The following PRXL2B variants were observed in gnomAD, a reference collection of about 807,000 sequenced individuals.
PRXL2B encodes the protein peroxiredoxin like 2B.
PRXL2B carries 26 observed loss-of-function variants against 24.4 expected under a neutral mutation model. The observed-to-expected ratio is 1.07, with a 90% CI of 0.78 to 1.48. The LOEUF is 1.48. PRXL2B is among the 40% of genes most tolerant of loss of function. The pLI, the probability that PRXL2B is intolerant of heterozygous loss-of-function variation, is 0.00. For missense variants in PRXL2B, 269 were observed against 264.8 expected (o/e 1.02, Z -0.11); for synonymous variants, 115 against 118.9 (o/e 0.97, Z 0.21).
rs761459834 is a variant in PRXL2B, at chr1:2,587,243, G to C, written c.216G>C (p.Gly72=). The change falls in exon 2 of 7, where the codon GGG becomes GGC. Residue 72 remains glycine, a synonymous_variant. Transcript: ENST00000419916. The surrounding 1 kb of genome is among the most constrained non-coding windows in gnomAD (Gnocchi z 6.1). ...ACGGCGTGCGCCTGGTGGGCGTAGG[G>C]CCCGAGGCCCTGGGTCTGCAGGAGT... is the stretch of plus-strand genomic sequence containing the variant. ...DQHGVRLVGV[G]PEALGLQEFL... 1 of 1,577,698 alleles carries C rather than the reference G, an allele frequency of 6.3e-7. No homozygotes were observed. The highest frequency in any genetic ancestry group is 8.6e-7 in the Non-Finnish European group (1 of 1,168,080).
rs922527390 is a variant in PRXL2B at position 2,588,734 on chromosome 1, G to A, written c.460+109G>A. On this transcript the variant is annotated intron_variant, in intron 5 of 6. Transcript: ENST00000419916. ...TTGTCAGTCTCATCACAGCCCCTCC[G>A]CCGCAATGTGGCCTGGTTCTGCGTG... 4.0e-5 allele frequency: 52 copies of A among 1,311,382 alleles called. 1 individual carries two copies. Among genetic ancestry groups the A allele is most frequent in the Admixed American group, 1.1e-4 (6 of 55,738 alleles). The allele number at this position is 1,311,382 out of a possible 1,614,324, so 81.2% of individuals were successfully genotyped here.
At position 2,587,773 on chromosome 1, in the gene PRXL2B, A is replaced by T. The variant is rs1172520727; in HGVS notation, c.301A>T (p.Lys101Ter). The change falls in exon 3 of 7, where the codon AAG (lysine) becomes TAG (stop). Residue 101 changes from lysine (K) to a stop codon, truncating the protein, a stop_gained. Transcript: ENST00000419916. LOFTEE classifies it high-confidence loss of function. The surrounding 1 kb of genome is among the most constrained non-coding windows in gnomAD (Gnocchi z 6.1). ...CCTGGATGAGAGCAAGCAGCTTTAC[A>T]AGGAGCTAGGCTTCAAGCGGTGAGT... ...LYLDESKQLY[K>*]ELGFKRYNSL... 6.9e-6 allele frequency: 11 copies of T among 1,602,862 alleles called. No individual in the cohort carries two copies. The South Asian group carries it at 1.1e-4, about 16-fold the overall frequency.
Position 2,591,354 on chromosome 1 carries a change from T to TC in PRXL2B, c.*1932dup, listed in dbSNP as rs1644699612. ...GAAACATTCGCAGCCTGCGGTAGGC[T>TC]CCCCCTTCCTAAACCCTTAAATGCC... On this transcript the variant is annotated 3_prime_UTR_variant, in exon 7 of 7. Coordinates refer to ENST00000419916, the MANE Select transcript of PRXL2B (RefSeq NM_152371.5). The TC allele has an allele frequency of 1.7e-6, 1 of 601,858 alleles. No homozygotes were observed. The highest frequency in any genetic ancestry group is 2.0e-5 in the South Asian group (1 of 49,914). The allele number at this position is 601,858 out of a possible 1,614,324, so 37.3% of individuals were successfully genotyped here. A position where few individuals can be genotyped will look rare whatever the true frequency, so the allele number is the denominator to read the frequency against.
chr1:2,588,713 C>A, intron 5 of PRXL2B, 88 bp downstream of exon 5: 1 of 1,441,500 alleles, frequency 6.9e-7, no homozygotes, highest in Non-Finnish European at 9.6e-7. Context: ...TCTGGCTTGT[C>A]AGTCTCATCA....
rs2100901580 is a variant in PRXL2B at position 2,587,834 on chromosome 1, G to A, written c.320+42G>A. On this transcript the variant is annotated intron_variant, in intron 3 of 6. Transcript: ENST00000419916. The surrounding 1 kb of genome is among the most constrained non-coding windows in gnomAD (Gnocchi z 6.1). ...ACCCTTGGGTAGCGTGGGGTGGGGG[G>A]CCCAGGGGTTCCCACCGCTCCCTGC... 2 of 1,529,108 alleles carry A rather than the reference G, an allele frequency of 1.3e-6. No individual in the cohort carries two copies. The highest frequency in any genetic ancestry group is 1.9e-5 in the Admixed American group (1 of 53,194). 94.7% of individuals were successfully genotyped at this position (1,529,108 alleles called of 1,614,324 possible).
rs1570628284 is a variant in PRXL2B at position 2,589,482 on chromosome 1, G to GTGCT, written c.*56_*59dup. Reference sequence around the variant, plus strand: ...CTGGGTGGCGTCTGCTGCCCTAGGTGTGCTGGAAGTCCACTTGGAAGAACT... The same window carrying GTGCT: ...CTGGGTGGCGTCTGCTGCCCTAGGTGTGCTTGCTGGAAGTCCACTTGGAAGAACT... On this transcript the variant is annotated 3_prime_UTR_variant, in exon 7 of 7. Transcript: ENST00000419916. 1.2e-6 allele frequency: 2 copies of GTGCT among 1,613,124 alleles called. No individual in the cohort carries two copies. The highest frequency in any genetic ancestry group is 1.7e-4 in the Middle Eastern group (1 of 6,054).
At chr1:2,586,709 C>A (rs1283039843), upstream of PRXL2B, 26 of 1,217,582 alleles carry the variant, frequency 2.1e-5, no homozygotes, top group South Asian at 5.9e-4. Flanking sequence ...GGGCCCGGGG[C>A]GGAGACGAGC....
Position 2,589,532 on chromosome 1 carries a change from G to A in PRXL2B, c.*105G>A. ...TGTTCCGGAGGCGCTGGGTCGGGAT[G>A]CCGAACCTCTCCTGATCCGCCGGCA... is the stretch of plus-strand genomic sequence containing the variant. On this transcript the variant is annotated 3_prime_UTR_variant, in exon 7 of 7. Transcript: ENST00000419916. 6.6e-7 allele frequency: 1 copy of A among 1,525,790 alleles called. No individual in the cohort carries two copies. The highest frequency in any genetic ancestry group is 9.0e-7 in the Non-Finnish European group (1 of 1,111,618). The allele number at this position is 1,525,790 out of a possible 1,614,324, so 94.5% of individuals were successfully genotyped here.
rs1644554832 is a variant in PRXL2B, at chr1:2,587,518, GC to G, written c.269-219del. On this transcript the variant is annotated intron_variant, in intron 2 of 6. Transcript: ENST00000419916. The surrounding 1 kb of genome is among the most constrained non-coding windows in gnomAD (Gnocchi z 6.1). ...CAGCAGCAGAGTCTGGACGAGCTCT[GC>G]CCCGCCGGCTCCACCTGTTGCCTCT... Among the ~76,000 whole-genome samples, 1 of 152,120 alleles carries G rather than the reference GC, an allele frequency of 6.6e-6. No individual in the cohort carries two copies. Among genetic ancestry groups the G allele is most frequent in the Admixed American group, 6.5e-5 (1 of 15,286 alleles).
Position 2,589,390 on chromosome 1 carries a change from G to A in PRXL2B, c.580-20G>A. 1.2e-6 allele frequency: 2 copies of A among 1,612,860 alleles called. No individual in the cohort carries two copies. The highest frequency in any genetic ancestry group is 1.7e-6 in the Non-Finnish European group (2 of 1,179,452). On this transcript the variant is annotated intron_variant, in intron 6 of 6. Coordinates refer to ENST00000419916, the MANE Select transcript of PRXL2B (RefSeq NM_152371.5). ...TGATCCAGTGTCCAGCGGCCCCATG[G>A]GACCCTGCTGTCCCCACAGTGTGAC...
At position 2,587,011 on chromosome 1, in the gene PRXL2B, A is replaced by T. The variant is rs1370597005; in HGVS notation, c.63+63A>T. The stretch of plus-strand genomic sequence containing the variant: ...TGGCTCCTTGCCCGGGCGTCCTGGC[A>T]GCGATGGGGTGGTGGGGGCCGCGGG... On this transcript the variant is annotated intron_variant, in intron 1 of 6. Coordinates refer to ENST00000419916, the MANE Select transcript of PRXL2B (RefSeq NM_152371.5). The surrounding 1 kb of genome is among the most constrained non-coding windows in gnomAD (Gnocchi z 6.1). 9.2e-7 allele frequency: 1 copy of T among 1,091,948 alleles called. No individual in the cohort carries two copies. Among genetic ancestry groups the T allele is most frequent in the Non-Finnish European group, 1.1e-6 (1 of 894,378 alleles). The allele number at this position is 1,091,948 out of a possible 1,614,324, so 67.6% of individuals were successfully genotyped here. A position where few individuals can be genotyped will look rare whatever the true frequency, so the allele number is the denominator to read the frequency against.
rs974474972 is a variant in PRXL2B at position 2,591,314 on chromosome 1, ACT to A, written c.*1891_*1892del. 4 of 593,266 alleles carry A rather than the reference ACT, an allele frequency of 6.7e-6. No individual in the cohort carries two copies. The highest frequency in any genetic ancestry group is 2.8e-5 in the East Asian group (1 of 35,630). The allele number at this position is 593,266 out of a possible 1,614,324, so 36.8% of individuals were successfully genotyped here. ...AGAGATATTCCAACTCTGCAATAAA[ACT>A]CTCCTTCACACAGAAACATTCGCAG... On this transcript the variant is annotated 3_prime_UTR_variant, in exon 7 of 7. Coordinates refer to ENST00000419916, the MANE Select transcript of PRXL2B (RefSeq NM_152371.5).
In PRXL2B at chr1:2,587,412, C is replaced by A; in HGVS notation, c.268+117C>A. ...TCTGCTGGAGCGGCCTTGATATGCC[C>A]ACGGGTCAGCGTCCCTCATCTCTCC... On this transcript the variant is annotated intron_variant, in intron 2 of 6. Transcript: ENST00000419916. The surrounding 1 kb of genome is among the most constrained non-coding windows in gnomAD (Gnocchi z 6.1). 1 of 1,198,786 alleles carries A rather than the reference C, an allele frequency of 8.3e-7. No homozygotes were observed. Among genetic ancestry groups the A allele is most frequent in the African/African-American group, 1.5e-5 (1 of 65,602 alleles). 74.3% of individuals were successfully genotyped at this position (1,198,786 alleles called of 1,614,324 possible). A position where few individuals can be genotyped will look rare whatever the true frequency, so the allele number is the denominator to read the frequency against.
In PRXL2B at chr1:2,591,442, C is replaced by T; in HGVS notation, c.*2015C>T. On this transcript the variant is annotated 3_prime_UTR_variant, in exon 7 of 7. Transcript: ENST00000419916. The stretch of plus-strand genomic sequence containing the variant: ...CAGAAGCCCCTCTCAGGTTTATTCC[C>T]AAAATAAACCTGTCTCTGTTGAGCC... 1.2e-6 allele frequency: 1 copy of T among 863,212 alleles called. No individual in the cohort carries two copies. Among genetic ancestry groups the T allele is most frequent in the Non-Finnish European group, 1.9e-6 (1 of 517,160 alleles). 53.5% of individuals were successfully genotyped at this position (863,212 alleles called of 1,614,324 possible).
rs1644527552 is a variant in PRXL2B at position 2,586,829 on chromosome 1, CCGGGAGCGGGGAACAGGGAGT to C, written c.-52_-32del. On this transcript the variant is annotated 5_prime_UTR_variant, in exon 1 of 7. Transcript: ENST00000419916. ...GGAGCGGGGATCCAGGAGCGAGGAG[CCGGGAGCGGGGAACAGGGAGT>C]CGGGGAGCCGGGAACCAGGGCTGGC... is the stretch of plus-strand genomic sequence containing the variant. The C allele has an allele frequency of 1.6e-6, 2 of 1,273,060 alleles. No individual in the cohort carries two copies. The highest frequency in any genetic ancestry group is 9.9e-7 in the Non-Finnish European group (1 of 1,010,492). 78.9% of individuals were successfully genotyped at this position (1,273,060 alleles called of 1,614,324 possible).
In PRXL2B at chr1:2,591,072, T is replaced by C; in HGVS notation, c.*1645T>C. The C allele has an allele frequency of 6.2e-7, 1 of 1,603,548 alleles. No homozygotes were observed. On this transcript the variant is annotated 3_prime_UTR_variant, in exon 7 of 7. Coordinates refer to ENST00000419916, the MANE Select transcript of PRXL2B (RefSeq NM_152371.5). ...CGTGTCTGCGAAGGCGGCCAGGTTC[T>C]GCAGCGACCCCAGTACCCTGTGGGT...
intron 3 of PRXL2B, 54 bp from the exon 4 acceptor site, chr1:2,588,336 G>A: frequency 6.2e-7 from 1 of 1,613,582 alleles, no homozygotes; most frequent in South Asian, 1.1e-5. Flanking sequence ...ACTGGAGCAG[G>A]CTCTGGACCC....
chr1:2,591,081 C>G lies in PRXL2B; in HGVS notation c.*1654C>G, dbSNP rs755546935. 26 of 1,589,372 alleles carry G rather than the reference C, an allele frequency of 1.6e-5. 2 individuals carry two copies. The South Asian group carries it at 3.0e-4, about 18-fold the overall frequency. On this transcript the variant is annotated 3_prime_UTR_variant, in exon 7 of 7. Coordinates refer to ENST00000419916, the MANE Select transcript of PRXL2B (RefSeq NM_152371.5). ...GAAGGCGGCCAGGTTCTGCAGCGAC[C>G]CCAGTACCCTGTGGGTGGGTGGGTG... is the stretch of plus-strand genomic sequence containing the variant.
In PRXL2B at chr1:2,587,611, G is replaced by C. The variant is rs1459305886; in HGVS notation, c.269-130G>C. ...CCCGTTTTACCCCTCCCTGCCCTGC[G>C]GGGGTGGGCTGAGCACGGAGGGTGG... On this transcript the variant is annotated intron_variant, in intron 2 of 6. Transcript: ENST00000419916. This position sits in a 1 kb window ranked among gnomAD's most constrained non-coding sequence, Gnocchi z 6.1. 1.8e-6 allele frequency: 2 copies of C among 1,104,852 alleles called. No individual in the cohort carries two copies. Among genetic ancestry groups the C allele is most frequent in the South Asian group, 2.7e-5 (2 of 74,396 alleles). 68.4% of individuals were successfully genotyped at this position (1,104,852 alleles called of 1,614,324 possible). A position where few individuals can be genotyped will look rare whatever the true frequency, so the allele number is the denominator to read the frequency against.
Sources: allele counts gnomAD v4.1 joint callset (sites outside exome capture counted in the v4.1 genomes callset), GRCh38; gene constraint gnomAD v4.1.1; non-coding constraint Gnocchi (gnomAD v3.1); transcripts MANE v1.5; gene names NCBI Gene and HGNC (gene_info 2026-07-23, HGNC 2026-07-21).